The following SUMF1 variants were observed in gnomAD, a reference collection of about 807,000 sequenced individuals.
SUMF1 encodes the protein formylglycine-generating enzyme.
In SUMF1, 48 loss-of-function variants were observed where a neutral mutation model predicts 47.6. That is an observed-to-expected ratio of 1.01 (90% CI 0.80 to 1.28). The LOEUF (loss-of-function observed/expected upper bound fraction) is 1.28. SUMF1 is among the 50% of genes most tolerant of loss of function. The pLI is 0.00. For synonymous variants in SUMF1, 230 were observed against 192.1 expected, an observed-to-expected ratio of 1.20 and a Z score of -1.63; for missense variants, 571 against 485.4, an observed-to-expected ratio of 1.18 and a Z score of -1.66.
chr3:4,378,478 G>C (rs1021670540), intron 7 of SUMF1, among the ~76,000 whole-genome samples: 4 of 152,152 alleles, frequency 2.6e-5, no homozygotes, highest in African/African-American at 9.7e-5. Context: ...CAACTGCAGG[G>C]CTACAATATT....
chr3:4,103,281 G>C (rs1693079124), intron 8 of SUMF1, among the ~76,000 whole-genome samples: 1 of 151,784 alleles, frequency 6.6e-6, no homozygotes, highest in Non-Finnish European at 1.5e-5. Flanking sequence ...TCCTCAAAAA[G>C]CTTCTGACCT....
At chr3:4,338,647 T>C (rs570606682) in intron 8 of SUMF1, among the ~76,000 whole-genome samples, 2 of 152,270 alleles carry the variant, frequency 1.3e-5, no homozygotes, top group East Asian at 3.9e-4. Context: ...AAAGAATTCA[T>C]GGTCTCATAA....
intron 7 of SUMF1, among the ~76,000 whole-genome samples, chr3:4,391,392 C>T (rs943637690): frequency 1.3e-5 from 2 of 152,092 alleles, no homozygotes; most frequent in African/African-American, 2.4e-5. Flanking sequence ...TTGAGATTCC[C>T]TTTACACATG....
downstream of SUMF1, among the ~76,000 whole-genome samples, chr3:4,356,974 T>C (rs1189026496): frequency 1.4e-5 from 2 of 144,778 alleles, no homozygotes; most frequent in Non-Finnish European, 3.0e-5. Flanking sequence ...TGCTACACTT[T>C]CCAGTGTGTT....
At chr3:4,253,963 C>A (rs1477933672) in intron 8 of SUMF1, among the ~76,000 whole-genome samples, 1 of 150,788 alleles carries the variant, frequency 6.6e-6, no homozygotes, top group Non-Finnish European at 1.5e-5. Context: ...CCCCTGACCC[C>A]CGAGCAGCCT....
intron 8 of SUMF1, among the ~76,000 whole-genome samples, chr3:4,337,071 T>C (rs1478100354): frequency 6.6e-6 from 1 of 152,236 alleles, no homozygotes; most frequent in Admixed American, 6.5e-5. Flanking sequence ...CTCTTTTAGA[T>C]ATTGCTGGCA....
intron 8 of SUMF1, among the ~76,000 whole-genome samples, chr3:4,296,906 T>C (rs530310245): frequency 6.6e-6 from 1 of 152,252 alleles, no homozygotes; most frequent in South Asian, 2.1e-4. Context: ...AATAATATAG[T>C]TATGTAATGT....
chr3:4,217,597 TTTCACGATTTCTTTTTAGGGA>T (rs1272865679), intron 8 of SUMF1, among the ~76,000 whole-genome samples: 1 of 130,674 alleles, frequency 7.7e-6, no homozygotes, highest in African/African-American at 3.0e-5. Context: ...TTTGTATATA[TTTCACGATTTCTTTTTAGGGA>T]AATGTACAAG....
At chr3:4,131,530 T>C (rs1693788978) in intron 8 of SUMF1, among the ~76,000 whole-genome samples, 1 of 152,158 alleles carries the variant, frequency 6.6e-6, no homozygotes, top group African/African-American at 2.4e-5. Context: ...CAGTGGGCAG[T>C]ACTTCGAGCA....
Position 4,240,145 on chromosome 3 carries a change from T to G in SUMF1, c.1014+136185A>C, listed in dbSNP as rs568625846. Among the ~76,000 whole-genome samples the G allele has an allele frequency of 8.5e-4, 130 of 152,202 alleles. 1 individual carries two copies. Among genetic ancestry groups the G allele is most frequent in the Non-Finnish European group, 1.7e-3 (113 of 68,028 alleles). ...ACTTGATGGTGGAGGATAAACTTTTTGATGTGCTGCTGGATTTGGTTTGCC... is the reference window on the plus strand; with the variant it reads ...ACTTGATGGTGGAGGATAAACTTTTGGATGTGCTGCTGGATTTGGTTTGCC... On this transcript the variant is annotated intron_variant and NMD_transcript_variant, in intron 8 of 12. Coordinates refer to the SUMF1 transcript ENST00000448413.
At chr3:4,370,768 T>A (rs931200794) in intron 8 of SUMF1, among the ~76,000 whole-genome samples, 2 of 152,254 alleles carry the variant, frequency 1.3e-5, no homozygotes, top group Non-Finnish European at 2.9e-5. Context: ...GAAAGCATGA[T>A]GATCTTATTT....
chr3:4,182,626 G>A (rs1395263011), intron 8 of SUMF1, among the ~76,000 whole-genome samples: 2 of 152,090 alleles, frequency 1.3e-5, no homozygotes, highest in Admixed American at 6.5e-5. Flanking sequence ...AAATGCTGGT[G>A]TTCATTCTCT....
At chr3:4,108,660 C>G (rs1451596644) in intron 8 of SUMF1, among the ~76,000 whole-genome samples, 2 of 152,028 alleles carry the variant, frequency 1.3e-5, no homozygotes, top group African/African-American at 4.8e-5. Context: ...TTGAATTGAT[C>G]CCTTTACCAT....
At chr3:4,295,358 G>C (rs1697829313) in intron 8 of SUMF1, among the ~76,000 whole-genome samples, 1 of 151,788 alleles carries the variant, frequency 6.6e-6, no homozygotes, top group South Asian at 2.1e-4. Flanking sequence ...TCTGGGCTTA[G>C]AATGTTTTTG....
At chr3:4,118,963 C>G (rs756549223) in intron 8 of SUMF1, among the ~76,000 whole-genome samples, 2 of 152,176 alleles carry the variant, frequency 1.3e-5, no homozygotes, top group Non-Finnish European at 2.9e-5. Context: ...TTGAGCTTGA[C>G]TTCCAGCTGT....
chr3:4,083,309 C>G (rs1692605970), intron 8 of SUMF1, among the ~76,000 whole-genome samples: 1 of 152,096 alleles, frequency 6.6e-6, no homozygotes, highest in South Asian at 2.1e-4. Flanking sequence ...TGTCCTTTTT[C>G]CAAGACACAC....
chr3:4,050,748 C>CAAAAAAAAA (rs34228101), intron 9 of SUMF1, among the ~76,000 whole-genome samples: 1 of 86,984 alleles, frequency 1.1e-5, no homozygotes, highest in African/African-American at 4.1e-5. Context: ...GACCCTGTCT[C>CAAAAAAAAA]AAAAAAAAAA....
chr3:4,248,794 G>C (rs530176447), intron 8 of SUMF1, among the ~76,000 whole-genome samples: 1 of 152,322 alleles, frequency 6.6e-6, no homozygotes, highest in South Asian at 2.1e-4. Context: ...AACAAGTATA[G>C]GAAAAGAAAG....
chr3:4,268,463 G>A (rs1234940293), intron 8 of SUMF1, among the ~76,000 whole-genome samples: 2 of 146,906 alleles, frequency 1.4e-5, no homozygotes, highest in East Asian at 2.0e-4. Context: ...ATAAAACCCC[G>A]CAATTTGCTT....
Sources: allele counts gnomAD v4.1 joint callset (sites outside exome capture counted in the v4.1 genomes callset), GRCh38; gene constraint gnomAD v4.1.1; transcripts MANE v1.5; gene names NCBI Gene and HGNC (gene_info 2026-07-23, HGNC 2026-07-21).